Variants in CDK5RAP2 observed in about 807,000 individuals in gnomAD.
The protein encoded by CDK5RAP2 is CDK5 regulatory subunit associated protein 2.
A neutral mutation model predicts 232.9 loss-of-function variants in CDK5RAP2; 147 were observed. That is an observed-to-expected ratio of 0.63 (90% CI 0.55 to 0.72). The LOEUF (loss-of-function observed/expected upper bound fraction) is 0.72, where lower values mean the gene tolerates loss of function less well. Ranked by LOEUF, CDK5RAP2 falls within the 30% of genes least tolerant of loss-of-function variation. CDK5RAP2 has a pLI of 0.00. For synonymous variants in CDK5RAP2, 833 were observed against 833.7 expected, an observed-to-expected ratio of 1.00 and a Z score of 0.01; for missense variants, 2,195 against 2,231.5, an observed-to-expected ratio of 0.98 and a Z score of 0.33.
chr9:120,458,535 C>T lies in CDK5RAP2; in HGVS notation c.2290G>A (p.Ala764Thr), dbSNP rs746203438. 2.6e-5 allele frequency: 42 copies of T among 1,613,998 alleles called. No individual in the cohort carries two copies. The Admixed American group carries it at 5.3e-4, about 20-fold the overall frequency. Residue 764 changes from alanine to threonine, a missense_variant, in exon 20 of 38, where the codon GCA (alanine) becomes ACA (threonine). Coordinates refer to ENST00000349780, the MANE Select transcript of CDK5RAP2 (RefSeq NM_018249.6). ...GCACCTTCTTCTAGGCAGCCAGGTG[C>T]GTGGGCCCCATCACAATCTGAAATC... is the stretch of plus-strand genomic sequence containing the variant. The part of the protein sequence containing the change: ...SKISDCDGAH[A>T]PGCLEEGAFI...
At chr9:120,539,015 A>G (rs1224557191) in intron 6 of CDK5RAP2, 26 bp downstream of exon 6, 2 of 1,612,744 alleles carry the variant, frequency 1.2e-6, no homozygotes, top group Admixed American at 1.7e-5. Flanking sequence ...TAAGAAATAC[A>G]CTGCCCTCAG....
At chr9:120,579,842 C>G in intron 1 of CDK5RAP2, 78 bp downstream of exon 1, 1 of 1,238,828 alleles carries the variant, frequency 8.1e-7, no homozygotes, top group South Asian at 1.2e-5. Flanking sequence ...AGAGCAAACC[C>G]CAAGGCCGCG....
At chr9:120,407,743 CA>C (rs2033570911) in intron 31 of CDK5RAP2, 1 of 164,144 alleles carries the variant, frequency 6.1e-6, no homozygotes, top group Non-Finnish European at 1.3e-5. Context: ...CACCACACCT[CA>C]AAATTGATTC....
At chr9:120,573,966 C>T (rs1230012983) in intron 1 of CDK5RAP2, among the ~76,000 whole-genome samples, 1 of 152,210 alleles carries the variant, frequency 6.6e-6, no homozygotes, top group Non-Finnish European at 1.5e-5. Context: ...GTCCTGCATT[C>T]TCAATCTGGG....
intron 3 of CDK5RAP2, among the ~76,000 whole-genome samples, chr9:120,563,585 A>G (rs182620697): frequency 6.6e-6 from 1 of 152,266 alleles, no homozygotes; most frequent in East Asian, 1.9e-4. Context: ...TGAAGGAAAG[A>G]TAGTAGTAGC....
Position 120,411,355 on chromosome 9 carries a change from T to C in CDK5RAP2, c.4414+3A>G. The C allele has an allele frequency of 6.5e-7, 1 of 1,550,296 alleles. No homozygotes were observed. The highest frequency in any genetic ancestry group is 2.2e-5 in the East Asian group (1 of 44,604). On this transcript the variant is annotated splice_donor_region_variant and intron_variant, in intron 29 of 37. Coordinates refer to ENST00000349780, the MANE Select transcript of CDK5RAP2 (RefSeq NM_018249.6). The stretch of plus-strand genomic sequence containing the variant: ...GACTTCCAGTGACTCCTTTAACTCT[T>C]ACCTCTGGATCCTTTAATGAGCATT...
intron 5 of CDK5RAP2, among the ~76,000 whole-genome samples, chr9:120,542,773 G>A (rs1230215070): frequency 4.6e-5 from 7 of 152,228 alleles, no homozygotes; most frequent in Admixed American, 3.3e-4. Context: ...CCAGCTCCCA[G>A]AACAATGATG....
rs549903271 is a variant in CDK5RAP2, at chr9:120,550,805, T to A, written c.293A>T (p.His98Leu). The change falls in exon 4 of 38, where the codon CAT becomes CTT. Residue 98 changes from histidine (H) to leucine (L), a missense_variant. Transcript: ENST00000349780. ...MQQEFHGPTE[H>L]IYKTNIELKV... ...TGGGCCACTCACAGTTTTGTAGATATGTTCAGTGGGGCCATGAAATTCCTG... is the reference window on the plus strand; with the variant it reads ...TGGGCCACTCACAGTTTTGTAGATAAGTTCAGTGGGGCCATGAAATTCCTG... 3 of 1,596,814 alleles carry A rather than the reference T, an allele frequency of 1.9e-6. No individual in the cohort carries two copies. Among genetic ancestry groups the A allele is most frequent in the African/African-American group, 2.7e-5 (2 of 74,706 alleles).
At chr9:120,517,139 G>A (rs1170064648) in intron 12 of CDK5RAP2, among the ~76,000 whole-genome samples, 1 of 152,162 alleles carries the variant, frequency 6.6e-6, no homozygotes, top group Non-Finnish European at 1.5e-5. Flanking sequence ...CAGGAGCCCA[G>A]GGGCATCAGG....
chr9:120,389,240 G>C lies in CDK5RAP2; in HGVS notation c.5678C>G (p.Ser1893Cys). 6.2e-7 allele frequency: 1 copy of C among 1,612,530 alleles called. No individual in the cohort carries two copies. Among genetic ancestry groups the C allele is most frequent in the South Asian group, 1.1e-5 (1 of 90,656 alleles). Residue 1893 changes from serine to cysteine, a missense_variant, in exon 38 of 38, where the codon TCC (serine) becomes TGC (cysteine). Physicochemically the swap from Ser to Cys is moderately radical, Grantham distance 112. Transcript: ENST00000349780. The part of the protein sequence containing the change: ...PGTCSPSRPG[S>C] Reference sequence around the variant, plus strand: ...TTTATTGGCTGAAAGTTCTTCTCAGGAGCCTGGTCTGCTGGGACTGCATGT... The same window carrying C: ...TTTATTGGCTGAAAGTTCTTCTCAGCAGCCTGGTCTGCTGGGACTGCATGT...
In CDK5RAP2 at chr9:120,518,613, T is replaced by C; in HGVS notation, c.1125A>G (p.Gly375=). 1.2e-6 allele frequency: 2 copies of C among 1,613,756 alleles called. No individual in the cohort carries two copies. Among genetic ancestry groups the C allele is most frequent in the Non-Finnish European group, 1.7e-6 (2 of 1,179,980 alleles). The change falls in exon 12 of 38, where the codon GGA becomes GGG. Residue 375 remains glycine, a synonymous_variant. Transcript: ENST00000349780. ...GCAGCGCAGCCGAAAGGGCTTCCTT[T>C]CCTGATAGAGCAGTCTCATAGTCTT... The part of the protein sequence containing the change: ...GSEDYETALS[G]KEALSAALRS...
In CDK5RAP2 at chr9:120,422,688, C is replaced by T. The variant is rs1172250396; in HGVS notation, c.4004+5G>A. ...AAGTCTTCTTAACAAATGTTACACA[C>T]TCACCTCTCCATCAGTTCATTCTGG... On this transcript the variant is annotated splice_donor_5th_base_variant and intron_variant, in intron 26 of 37. Coordinates refer to ENST00000349780, the MANE Select transcript of CDK5RAP2 (RefSeq NM_018249.6). The T allele has an allele frequency of 1.2e-6, 2 of 1,608,950 alleles. No homozygotes were observed. Among genetic ancestry groups the T allele is most frequent in the East Asian group, 4.5e-5 (2 of 44,834 alleles).
intron 31 of CDK5RAP2, chr9:120,407,460 T>C (rs1012510125): frequency 1.7e-6 from 1 of 589,340 alleles, no homozygotes; most frequent in Non-Finnish European, 3.0e-6. Context: ...GAGCTGGAAA[T>C]TAATTTTCGC....
chr9:120,391,606 C>G (rs1177091102), intron 36 of CDK5RAP2, among the ~76,000 whole-genome samples: 1 of 152,232 alleles, frequency 6.6e-6, no homozygotes, highest in Non-Finnish European at 1.5e-5. Context: ...CCTGAGGCAG[C>G]TGGTTCCAGG....
intron 16 of CDK5RAP2, among the ~76,000 whole-genome samples, chr9:120,471,418 A>G (rs951402547): frequency 2.0e-5 from 3 of 152,210 alleles, no homozygotes; most frequent in African/African-American, 4.8e-5. Context: ...GGCAGTACTC[A>G]GATGTTCCGG....
chr9:120,559,502 A>G lies in CDK5RAP2; in HGVS notation c.196-8600T>C, dbSNP rs572507610. 6.5e-3 allele frequency among the ~76,000 whole-genome samples: 960 copies of G among 148,468 alleles called. 15 individuals are homozygous for G. The highest frequency in any genetic ancestry group is 0.022 in the African/African-American group (890 of 40,448). On this transcript the variant is annotated intron_variant, in intron 3 of 37. Transcript: ENST00000349780. ...AGACTCTGTCTCAAAAAAAAAAAAA[A>G]AAAAAAGAAAACAAAGAATTTAAAA...
chr9:120,542,650 G>C (rs2041684190), intron 5 of CDK5RAP2, among the ~76,000 whole-genome samples: 1 of 152,162 alleles, frequency 6.6e-6, no homozygotes, highest in Non-Finnish European at 1.5e-5. Context: ...CTAGAAGTCA[G>C]GGACTAAAGT....
chr9:120,530,979 A>C (rs2041125373), intron 7 of CDK5RAP2, among the ~76,000 whole-genome samples: 1 of 152,028 alleles, frequency 6.6e-6, no homozygotes, highest in Non-Finnish European at 1.5e-5. Context: ...CATGTTGTGC[A>C]CATGTACCCT....
intron 12 of CDK5RAP2, among the ~76,000 whole-genome samples, chr9:120,496,819 C>G (rs1401050842): frequency 1.4e-5 from 2 of 140,790 alleles, no homozygotes; most frequent in Admixed American, 6.8e-5. Context: ...GCCAGCCGCC[C>G]CGTCCGGGAG....
Sources: gnomAD v4.1 joint callset for allele counts (sites outside exome capture counted in the v4.1 genomes callset) on GRCh38, gnomAD v4.1.1 for gene constraint, MANE v1.5 for transcripts, NCBI Gene and HGNC (gene_info 2026-07-23, HGNC 2026-07-21) for gene names.